The following ZNF670 variants were observed in gnomAD, a reference collection of about 807,000 sequenced individuals.
ZNF670 encodes zinc finger protein 670.
ZNF670 carries 7 observed loss-of-function variants against 10.9 expected under a neutral mutation model. The ratio of observed to expected loss-of-function variants is 0.64; its 90% confidence interval spans 0.36 to 1.20. The LOEUF (loss-of-function observed/expected upper bound fraction) is 1.20, where lower values mean the gene tolerates loss of function less well. Among genes scored for constraint, ZNF670 ranks in the 50% most tolerant of loss-of-function variants. ZNF670 has a pLI of 0.02. For synonymous variants in ZNF670, 136 were observed against 152.7 expected (o/e 0.89, Z 0.81); for missense variants, 446 against 458.6 (o/e 0.97, Z 0.25).
At chr1:247,064,136 C>A (rs750905621) in intron 1 of ZNF670, among the ~76,000 whole-genome samples, 25 of 152,226 alleles carry the variant, frequency 1.6e-4, no homozygotes, top group Non-Finnish European at 3.2e-4. Context: ...GTCCCTGCAT[C>A]TTTTCCAGAA....
intron 1 of ZNF670, among the ~76,000 whole-genome samples, chr1:247,066,449 G>A (rs1670981918): frequency 6.6e-6 from 1 of 152,216 alleles, no homozygotes; most frequent in African/African-American, 2.4e-5. Context: ...AGGATTCTTA[G>A]CTGCACAGAG....
chr1:247,044,497 C>T (rs555555876), intron 1 of ZNF670, among the ~76,000 whole-genome samples: 128 of 152,332 alleles, frequency 8.4e-4, no homozygotes, highest in African/African-American at 3.0e-3. Flanking sequence ...CAAGAAGACA[C>T]ATGTACCTGT....
rs1670200238 is a variant in ZNF670, at chr1:247,037,908, G to A, written c.711C>T (p.Ser237=). The change falls in exon 4 of 4, where the codon TCC becomes TCT. Residue 237 remains serine, a synonymous_variant. Coordinates refer to ENST00000366503, the MANE Select transcript of ZNF670 (RefSeq NM_033213.5). The stretch of plus-strand genomic sequence containing the variant: ...ATCTTTCATGTTGGCGAAGAGAACT[G>A]GAAAAAGTGAATGATTTACCACATT... ...CKKCGKSFTF[S]SSLRQHERSH... is the part of the protein sequence containing the mutation. The A allele has an allele frequency of 6.2e-6, 10 of 1,613,802 alleles. No individual in the cohort carries two copies. Among genetic ancestry groups the A allele is most frequent in the Admixed American group, 1.7e-5 (1 of 59,970 alleles).
intron 1 of ZNF670, among the ~76,000 whole-genome samples, chr1:247,062,390 A>T (rs1670878992): frequency 6.6e-6 from 1 of 152,168 alleles, no homozygotes; most frequent in African/African-American, 2.4e-5. Context: ...TAAAATATAA[A>T]ACTAAATATT....
At chr1:247,045,319 G>T (rs566047118) in intron 1 of ZNF670, among the ~76,000 whole-genome samples, 1 of 152,302 alleles carries the variant, frequency 6.6e-6, no homozygotes, top group Non-Finnish European at 1.5e-5. Flanking sequence ...ATGTTTAAAT[G>T]TGACCTCCAA....
At chr1:247,051,890 G>A (rs1670605837) in intron 1 of ZNF670, among the ~76,000 whole-genome samples, 1 of 150,246 alleles carries the variant, frequency 6.7e-6, no homozygotes. Flanking sequence ...AAACTTTCCA[G>A]TGTACTTCAC....
At chr1:247,046,443 C>T (rs1670450153) in intron 1 of ZNF670, among the ~76,000 whole-genome samples, 1 of 152,188 alleles carries the variant, frequency 6.6e-6, no homozygotes, top group African/African-American at 2.4e-5. Flanking sequence ...GCTAAAAAGG[C>T]ACCATATACC....
At chr1:247,063,505 C>G (rs1670909062) in intron 1 of ZNF670, among the ~76,000 whole-genome samples, 1 of 150,114 alleles carries the variant, frequency 6.7e-6, no homozygotes, top group Admixed American at 6.6e-5. Context: ...ATGGCGTGAA[C>G]CCAGGAGGCG....
intron 1 of ZNF670, among the ~76,000 whole-genome samples, chr1:247,051,271 A>AC (rs142619928): frequency 0.33 from 49,296 of 151,138 alleles, 8,894 homozygotes; most frequent in African/African-American, 0.46. Flanking sequence ...AAAAAAAACA[A>AC]AAAAAAAACT....
At chr1:247,057,768 G>A (rs1358261682) in intron 1 of ZNF670, among the ~76,000 whole-genome samples, 1 of 152,158 alleles carries the variant, frequency 6.6e-6, no homozygotes, top group African/African-American at 2.4e-5. Context: ...ACTTACTTGT[G>A]AGAACTGACA....
chr1:247,056,052 C>T (rs1414094756), intron 1 of ZNF670, among the ~76,000 whole-genome samples: 1 of 151,204 alleles, frequency 6.6e-6, no homozygotes, highest in Admixed American at 6.6e-5. Flanking sequence ...AGAGAGAGAC[C>T]CCAAAACAAT....
Position 247,037,470 on chromosome 1 carries a change from A to G in ZNF670, c.1149T>C (p.His383=). The G allele has an allele frequency of 3.7e-6, 6 of 1,610,574 alleles. No individual in the cohort carries two copies. Among genetic ancestry groups the G allele is most frequent in the Non-Finnish European group, 5.1e-6 (6 of 1,178,862 alleles). Residue 383 remains histidine, a synonymous_variant, in exon 4 of 4, where the codon CAT becomes CAC. Coordinates refer to ENST00000366503, the MANE Select transcript of ZNF670 (RefSeq NM_033213.5). ...TTTTTTACCACATATAAGCTCTTTCATGCTTTCGAAGGGAACTGGAACAAC... is the reference window on the plus strand; with the variant it reads ...TTTTTTACCACATATAAGCTCTTTCGTGCTTTCGAAGGGAACTGGAACAAC... ...AFSCSSSLRK[H]ERAYMW
Position 247,072,126 on chromosome 1 carries a change from G to T in ZNF670, c.3+6468C>A, listed in dbSNP as rs1242608612. On this transcript the variant is annotated intron_variant, in intron 1 of 3. Transcript: ENST00000366503. ...CCCGCCTTGGCTTCCCAAAGTGCTG[G>T]GATTACAGGTGTCAGCCACTGCGCC... Among the ~76,000 whole-genome samples the T allele has an allele frequency of 3.3e-5, 5 of 150,424 alleles. No homozygotes were observed. The South Asian group carries it at 8.4e-4, about 25-fold the overall frequency.
intron 1 of ZNF670, among the ~76,000 whole-genome samples, chr1:247,042,373 C>A (rs1037043536): frequency 6.6e-6 from 1 of 152,136 alleles, no homozygotes; most frequent in African/African-American, 2.4e-5. Context: ...GTACTAAGTG[C>A]GATGGTCACG....
intron 1 of ZNF670, among the ~76,000 whole-genome samples, chr1:247,072,802 G>GTATATATA (rs1671157451): frequency 9.2e-5 from 2 of 21,796 alleles, no homozygotes; most frequent in Non-Finnish European, 1.6e-4. Flanking sequence ...AAAAAAGTGT[G>GTATATATA]TGTATATATA....
chr1:247,058,110 T>C (rs1308608863), intron 1 of ZNF670, among the ~76,000 whole-genome samples: 2 of 152,202 alleles, frequency 1.3e-5, no homozygotes, highest in East Asian at 1.9e-4. Context: ...CTCATAAATA[T>C]ATACACCTAG....
chr1:247,045,571 G>A (rs1424129993), intron 1 of ZNF670, among the ~76,000 whole-genome samples: 3 of 152,074 alleles, frequency 2.0e-5, no homozygotes, highest in Non-Finnish European at 4.4e-5. Context: ...TGCCATGCTT[G>A]TACAGCCTGC....
Position 247,049,165 on chromosome 1 carries a change from C to T in ZNF670, c.4-9628G>A, listed in dbSNP as rs1572560682. 2.8e-5 allele frequency among the ~76,000 whole-genome samples: 4 copies of T among 141,398 alleles called. No homozygotes were observed. The South Asian group carries it at 9.0e-4, about 32-fold the overall frequency. The allele number at this position is 141,398 out of a possible 152,430, so 92.8% of individuals were successfully genotyped here. A position where few individuals can be genotyped will look rare whatever the true frequency, so the allele number is the denominator to read the frequency against. The stretch of plus-strand genomic sequence containing the variant: ...CCAGGCTGGAGTGCAGTGGTGCAAT[C>T]TCAGCTCACTGCAACCTCCACCTGC... On this transcript the variant is annotated intron_variant, in intron 1 of 3. Transcript: ENST00000366503.
At chr1:247,076,153 G>A (rs1671245918) in intron 1 of ZNF670, among the ~76,000 whole-genome samples, 1 of 152,066 alleles carries the variant, frequency 6.6e-6, no homozygotes, top group Non-Finnish European at 1.5e-5. Flanking sequence ...GTCAGGTCAG[G>A]TCACTGCATC....
Sources: gnomAD v4.1 joint callset for allele counts (sites outside exome capture counted in the v4.1 genomes callset) on GRCh38, gnomAD v4.1.1 for gene constraint, MANE v1.5 for transcripts, NCBI Gene and HGNC (gene_info 2026-07-23, HGNC 2026-07-21) for gene names.